MMP16: variants seen among roughly 807,000 people sequenced by gnomAD.
MMP16 encodes the protein matrix metalloproteinase-16.
A neutral mutation model predicts 67.8 loss-of-function variants in MMP16; 12 were observed. That is an observed-to-expected ratio of 0.18 (90% CI 0.11 to 0.29). The LOEUF is 0.29. Ranked by LOEUF, MMP16 falls within the 10% of genes least tolerant of loss-of-function variation. MMP16 has a pLI of 1.00. For synonymous variants in MMP16, 249 were observed against 255.9 expected (o/e 0.97, Z 0.26); for missense variants, 475 against 765.7 (o/e 0.62, Z 4.48).
rs1432401980 is a variant in MMP16 at position 88,327,322 on chromosome 8, C to T, written c.-116G>A. ...GTCCTCCGGGTGGGTAAGGAGCCTG[C>T]AGGTTCACCCACAGCCGGGCAAGGG... is the stretch of plus-strand genomic sequence containing the variant. On this transcript the variant is annotated 5_prime_UTR_variant, in exon 1 of 10. Coordinates refer to ENST00000286614, the MANE Select transcript of MMP16 (RefSeq NM_005941.5). 4 of 1,393,408 alleles carry T rather than the reference C, an allele frequency of 2.9e-6. No homozygotes were observed. In the African/African-American group the frequency reaches 4.3e-5, roughly 15 times the overall value. The allele number at this position is 1,393,408 out of a possible 1,614,324, so 86.3% of individuals were successfully genotyped here. A position where few individuals can be genotyped will look rare whatever the true frequency, so the allele number is the denominator to read the frequency against.
chr8:88,225,569 A>G (rs1809756148), intron 1 of MMP16, among the ~76,000 whole-genome samples: 1 of 151,968 alleles, frequency 6.6e-6, no homozygotes, highest in Non-Finnish European at 1.5e-5. Context: ...AATCCCACCT[A>G]TTCAGCCATA....
At chr8:88,157,996 T>C (rs1253395971) in intron 4 of MMP16, among the ~76,000 whole-genome samples, 2 of 152,200 alleles carry the variant, frequency 1.3e-5, no homozygotes, top group Admixed American at 6.5e-5. Flanking sequence ...ACAAAGGACA[T>C]GAACTCATCA....
At chr8:88,174,710 G>C (rs1394981545) in intron 3 of MMP16, among the ~76,000 whole-genome samples, 2 of 151,302 alleles carry the variant, frequency 1.3e-5, no homozygotes, top group African/African-American at 2.4e-5. Flanking sequence ...TTAATCTTGA[G>C]TTGTTCCACA....
chr8:88,294,902 G>A lies in MMP16; in HGVS notation c.132+32173C>T, dbSNP rs1266787380. On this transcript the variant is annotated intron_variant, in intron 1 of 9. Transcript: ENST00000286614. ...TAATTTTTGTATTTTTAGTAGAGAT[G>A]GGGTTTCACCATGTTGGCCAGGCTG... Among the ~76,000 whole-genome samples, 3 of 152,132 alleles carry A rather than the reference G, an allele frequency of 2.0e-5. No individual in the cohort carries two copies. The East Asian group carries it at 5.8e-4, about 30-fold the overall frequency.
intron 6 of MMP16, among the ~76,000 whole-genome samples, chr8:88,107,358 G>A (rs1204173097): frequency 1.3e-5 from 2 of 150,924 alleles, no homozygotes; most frequent in Non-Finnish European, 3.0e-5. Flanking sequence ...GGGACTTTCA[G>A]TGGAATTACT....
At chr8:88,107,141 A>G (rs1809256149) in intron 6 of MMP16, among the ~76,000 whole-genome samples, 1 of 151,182 alleles carries the variant, frequency 6.6e-6, no homozygotes, top group African/African-American at 2.4e-5. Context: ...AGCAGTCTCT[A>G]AATGTCATCC....
intron 1 of MMP16, among the ~76,000 whole-genome samples, chr8:88,215,438 C>T (rs1809576677): frequency 6.6e-6 from 1 of 152,110 alleles, no homozygotes; most frequent in African/African-American, 2.4e-5. Flanking sequence ...AGAGGTTAAC[C>T]TCTATGGACT....
chr8:88,228,840 C>T (rs1563568206), intron 1 of MMP16, among the ~76,000 whole-genome samples: 1 of 151,876 alleles, frequency 6.6e-6, no homozygotes, highest in Non-Finnish European at 1.5e-5. Flanking sequence ...TTAAAAGCAA[C>T]ACTTTAATAG....
chr8:88,053,470 G>A (rs1808294441), intron 8 of MMP16, among the ~76,000 whole-genome samples: 1 of 152,126 alleles, frequency 6.6e-6, no homozygotes, highest in African/African-American at 2.4e-5. Context: ...TTAAGGACTT[G>A]AATTTTTTAC....
intron 1 of MMP16, among the ~76,000 whole-genome samples, chr8:88,265,134 G>T (rs1810454162): frequency 6.6e-6 from 1 of 151,218 alleles, no homozygotes; most frequent in African/African-American, 2.4e-5. Context: ...GTTTAATTTG[G>T]ATATAATTAA....
At chr8:88,182,351 C>A (rs1217342576) in intron 3 of MMP16, among the ~76,000 whole-genome samples, 2 of 151,954 alleles carry the variant, frequency 1.3e-5, no homozygotes, top group East Asian at 3.9e-4. Flanking sequence ...AAAGAAGATA[C>A]AGAGATGGTA....
intron 1 of MMP16, among the ~76,000 whole-genome samples, chr8:88,295,357 GA>G (rs779381560): frequency 1.3e-5 from 2 of 152,142 alleles, no homozygotes; most frequent in East Asian, 1.9e-4. Flanking sequence ...CACTTGGGAA[GA>G]AAAAGAGCAG....
At chr8:88,300,298 T>G (rs143436314) in intron 1 of MMP16, among the ~76,000 whole-genome samples, 1 of 152,340 alleles carries the variant, frequency 6.6e-6, no homozygotes, top group East Asian at 1.9e-4. Flanking sequence ...CCTTATGCAG[T>G]TTCACTTTCT....
intron 7 of MMP16, among the ~76,000 whole-genome samples, chr8:88,065,929 C>T (rs1005105272): frequency 2.0e-5 from 3 of 152,120 alleles, no homozygotes; most frequent in African/African-American, 7.2e-5. Flanking sequence ...TTTTGATACA[C>T]ATCTTGTGTA....
rs1809188888 is a variant in MMP16, at chr8:88,192,643, G to A, written c.281+4515C>T. On this transcript the variant is annotated intron_variant, in intron 2 of 9. Transcript: ENST00000286614. The stretch of plus-strand genomic sequence containing the variant: ...TATCCAAACTGAAAAAGAAGATAGA[G>A]AATATTCCCTTGGCAATTTAGACAA... Among the ~76,000 whole-genome samples the A allele has an allele frequency of 2.0e-5, 3 of 152,076 alleles. No homozygotes were observed. The South Asian group carries it at 6.2e-4, about 32-fold the overall frequency.
intron 4 of MMP16, among the ~76,000 whole-genome samples, chr8:88,162,391 C>T (rs1396515552): frequency 6.6e-6 from 1 of 151,718 alleles, no homozygotes; most frequent in African/African-American, 2.4e-5. Flanking sequence ...GTGTGAAAGC[C>T]GAATTATTGA....
At chr8:88,214,763 G>C (rs1283779647) in intron 1 of MMP16, among the ~76,000 whole-genome samples, 1 of 152,098 alleles carries the variant, frequency 6.6e-6, no homozygotes, top group Non-Finnish European at 1.5e-5. Context: ...GAAACGTTGT[G>C]TCCTCTGACA....
At chr8:88,252,265 G>A (rs1157754028) in intron 1 of MMP16, among the ~76,000 whole-genome samples, 1 of 152,106 alleles carries the variant, frequency 6.6e-6, no homozygotes, top group African/African-American at 2.4e-5. Context: ...TAGTCTTTAT[G>A]ACCCTCTGAT....
intron 7 of MMP16, among the ~76,000 whole-genome samples, chr8:88,068,312 C>T (rs541861630): frequency 2.4e-4 from 37 of 151,736 alleles, no homozygotes; most frequent in African/African-American, 7.5e-4. Flanking sequence ...GAATAAAAAT[C>T]CTTCATCATA....
Sources: gnomAD v4.1 joint callset for allele counts (sites outside exome capture counted in the v4.1 genomes callset) on GRCh38, gnomAD v4.1.1 for gene constraint, MANE v1.5 for transcripts, NCBI Gene and HGNC (gene_info 2026-07-23, HGNC 2026-07-21) for gene names.